Variants in GNB1 observed in about 807,000 individuals in gnomAD.
GNB1 encodes the protein guanine nucleotide-binding protein G(I)/G(S)/G(T) subunit beta-1.
In GNB1, 2 loss-of-function variants were observed where a neutral mutation model predicts 42.9. The observed-to-expected ratio is 0.05, with a 90% CI of 0.02 to 0.15. The LOEUF is 0.15. Among genes scored for constraint, GNB1 ranks in the 10% least tolerant of loss-of-function variants. The pLI is 1.00. For synonymous variants in GNB1, 183 were observed against 174.7 expected (o/e 1.05, Z -0.38); for missense variants, 193 against 462.2 (o/e 0.42, Z 5.34).
At chr1:1,864,703 T>C (rs931386110) in intron 1 of GNB1, among the ~76,000 whole-genome samples, 3 of 152,200 alleles carry the variant, frequency 2.0e-5, no homozygotes, top group African/African-American at 7.2e-5. Context: ...CTTTTTCCAC[T>C]AGTTTGTACT....
At position 1,789,123 on chromosome 1, in the gene GNB1, C is replaced by A. The variant is rs760112950; in HGVS notation, c.846G>T (p.Gly282=). 2 of 1,614,178 alleles carry A rather than the reference C, an allele frequency of 1.2e-6. No individual in the cohort carries two copies. The highest frequency in any genetic ancestry group is 1.7e-6 in the Non-Finnish European group (2 of 1,180,012). Residue 282 remains glycine, a synonymous_variant, in exon 10 of 12, where the codon GGG becomes GGT. Coordinates refer to ENST00000378609, the MANE Select transcript of GNB1 (RefSeq NM_002074.5). Reference sequence around the variant, plus strand: ...CGTCGTACCCAGCAAGGAGGAGGCGCCCGCTCTTGGAGAAGGAGACAGAGG... The same window carrying A: ...CGTCGTACCCAGCAAGGAGGAGGCGACCGCTCTTGGAGAAGGAGACAGAGG... ...GITSVSFSKS[G]RLLLAGYDDF...
intron 5 of GNB1, among the ~76,000 whole-genome samples, chr1:1,814,152 T>G (rs1311960212): frequency 3.3e-5 from 5 of 152,190 alleles, no homozygotes; most frequent in Non-Finnish European, 7.3e-5. Context: ...AGCTCTCATT[T>G]GCATGGGGAA....
At chr1:1,840,386 A>G (rs1409445420) in intron 1 of GNB1, among the ~76,000 whole-genome samples, 1 of 150,120 alleles carries the variant, frequency 6.7e-6, no homozygotes, top group East Asian at 2.0e-4. Context: ...AAATTCGCCG[A>G]GCGTAGTGGC....
intron 1 of GNB1, among the ~76,000 whole-genome samples, chr1:1,851,200 C>A (rs1221986448): frequency 6.6e-6 from 1 of 152,100 alleles, no homozygotes; most frequent in African/African-American, 2.4e-5. Flanking sequence ...CACCTGAGGT[C>A]GGGAGTTTGA....
chr1:1,889,405 G>A (rs760826395), intron 1 of GNB1, among the ~76,000 whole-genome samples: 1 of 152,142 alleles, frequency 6.6e-6, no homozygotes, highest in African/African-American at 2.4e-5. Flanking sequence ...TTACCCATAA[G>A]TCCAGTACTG....
At chr1:1,805,332 C>A (rs768421225) in intron 6 of GNB1, among the ~76,000 whole-genome samples, 5 of 149,566 alleles carry the variant, frequency 3.3e-5, no homozygotes, top group Admixed American at 2.7e-4. Flanking sequence ...TGGTGGTGGG[C>A]GCCTGTAATC....
At chr1:1,889,282 G>A (rs554731782) in intron 1 of GNB1, among the ~76,000 whole-genome samples, 2 of 152,216 alleles carry the variant, frequency 1.3e-5, no homozygotes, top group East Asian at 3.9e-4. Context: ...ACCAGCAACT[G>A]CTTAATCACC....
intron 5 of GNB1, among the ~76,000 whole-genome samples, chr1:1,811,553 G>A (rs543091676): frequency 2.6e-5 from 4 of 151,256 alleles, no homozygotes; most frequent in South Asian, 2.1e-4. Flanking sequence ...AAAATTAGCC[G>A]GGCGTGGTGG....
intron 1 of GNB1, among the ~76,000 whole-genome samples, chr1:1,865,479 A>T (rs1014787690): frequency 2.0e-5 from 3 of 148,272 alleles, no homozygotes; most frequent in African/African-American, 7.5e-5. Context: ...CCAGCTACTC[A>T]GGAGGCTGAG....
intron 5 of GNB1, among the ~76,000 whole-genome samples, chr1:1,808,626 TTTTTTGTTTGTTTG>T (rs1341670337): frequency 1.0e-4 from 15 of 145,906 alleles, no homozygotes; most frequent in South Asian, 6.4e-4. Flanking sequence ...AAACGCAAGG[TTTTTTGTTTGTTTG>T]TTTTTGTTTG....
At position 1,790,500 on chromosome 1, in the gene GNB1, C is replaced by T; in HGVS notation, c.594G>A (p.Leu198=). The stretch of plus-strand genomic sequence containing the variant: ...AAGCATCACAAGCACCAGAGACGAA[C>T]AGTCTGGTGTCAGGAGCAAGAGAAA... ...MSLSLAPDTR[L]FVSGACDASA... Residue 198 remains leucine, a synonymous_variant, in exon 9 of 12, where the codon CTG becomes CTA. Transcript: ENST00000378609. The surrounding 1 kb of genome is among the most constrained non-coding windows in gnomAD (Gnocchi z 5.4). 1 of 1,612,374 alleles carries T rather than the reference C, an allele frequency of 6.2e-7. No homozygotes were observed. Among genetic ancestry groups the T allele is most frequent in the Non-Finnish European group, 8.5e-7 (1 of 1,178,440 alleles).
At chr1:1,875,934 T>C (rs897230638) in intron 1 of GNB1, among the ~76,000 whole-genome samples, 1 of 152,118 alleles carries the variant, frequency 6.6e-6, no homozygotes, top group Non-Finnish European at 1.5e-5. Context: ...AACGAGGTCA[T>C]ACTGAATTAG....
chr1:1,817,899 AT>A, intron 3 of GNB1, 24 bp from the exon 4 acceptor site: 1 of 1,588,430 alleles, frequency 6.3e-7, no homozygotes, highest in Non-Finnish European at 8.6e-7. Context: ...ACAGTGAGAA[AT>A]TAGCAACCTT....
At chr1:1,853,495 A>C (rs1408898695) in intron 1 of GNB1, among the ~76,000 whole-genome samples, 1 of 152,122 alleles carries the variant, frequency 6.6e-6, no homozygotes, top group Admixed American at 6.6e-5. Context: ...AAACATGAAC[A>C]TATTTTTGCC....
chr1:1,872,527 G>A (rs1448597319), intron 1 of GNB1, among the ~76,000 whole-genome samples: 2 of 152,160 alleles, frequency 1.3e-5, no homozygotes, highest in African/African-American at 4.8e-5. Flanking sequence ...CTTTGCTCCT[G>A]TGTGCTGAGC....
intron 1 of GNB1, among the ~76,000 whole-genome samples, chr1:1,843,495 G>C (rs963114414): frequency 1.3e-5 from 2 of 152,116 alleles, no homozygotes; most frequent in Non-Finnish European, 2.9e-5. Flanking sequence ...CCACGGTGCT[G>C]GGATTGCAGG....
chr1:1,861,431 G>A (rs1292174176), intron 1 of GNB1, among the ~76,000 whole-genome samples: 2 of 152,056 alleles, frequency 1.3e-5, no homozygotes, highest in Non-Finnish European at 2.9e-5. Flanking sequence ...CTGAGTGACA[G>A]AGCAAGACCC....
chr1:1,811,082 T>TATATA (rs34099129), intron 5 of GNB1, among the ~76,000 whole-genome samples: 2 of 125,712 alleles, frequency 1.6e-5, no homozygotes, highest in African/African-American at 6.5e-5. Context: ...TATATATATA[T>TATATA]TTTTTTTTTT....
intron 2 of GNB1, among the ~76,000 whole-genome samples, chr1:1,835,831 C>A (rs554144141): frequency 9.5e-4 from 143 of 149,882 alleles, no homozygotes; most frequent in Non-Finnish European, 1.8e-3. Flanking sequence ...TGAGCACTTT[C>A]CGAGGCAAGG....
Sources: allele counts gnomAD v4.1 joint callset (sites outside exome capture counted in the v4.1 genomes callset), GRCh38; gene constraint gnomAD v4.1.1; non-coding constraint Gnocchi (gnomAD v3.1); transcripts MANE v1.5; gene names NCBI Gene and HGNC (gene_info 2026-07-23, HGNC 2026-07-21).